PVT1: variants seen among roughly 807,000 people sequenced by gnomAD.
The protein encoded by PVT1 is Pvt1 oncogene.
At chr8:128,020,170 G>A (rs1048949449) in intron 4 of PVT1, among the ~76,000 whole-genome samples, 13 of 152,224 alleles carry the variant, frequency 8.5e-5, no homozygotes, top group Non-Finnish European at 1.8e-4. Context: ...TGGAGAAGCA[G>A]AGAAGCTCTG....
chr8:127,797,423 T>C (rs1814410432), intron 2 of PVT1, among the ~76,000 whole-genome samples: 1 of 152,184 alleles, frequency 6.6e-6, no homozygotes, highest in Non-Finnish European at 1.5e-5. Context: ...CCAGTGTCCA[T>C]GGTGGGACCC....
At chr8:127,967,132 G>T (rs1443207346) in intron 3 of PVT1, among the ~76,000 whole-genome samples, 2 of 152,192 alleles carry the variant, frequency 1.3e-5, no homozygotes, top group African/African-American at 4.8e-5. Context: ...ACCCACCCCA[G>T]GGCTGATTGC....
intron 2 of PVT1, among the ~76,000 whole-genome samples, chr8:127,887,962 A>T: frequency 2.2e-5 from 1 of 46,034 alleles, no homozygotes; most frequent in Non-Finnish European, 3.8e-5. Context: ...TTTTTTTGAG[A>T]CTGAATCTCA....
intron 2 of PVT1, among the ~76,000 whole-genome samples, chr8:127,858,821 T>C (rs1477289997): frequency 5.1e-5 from 7 of 136,564 alleles, no homozygotes; most frequent in Admixed American, 2.2e-4. Flanking sequence ...TTTTTTTTTT[T>C]TTTTTTTTTT....
chr8:127,846,779 C>T (rs991349139), intron 2 of PVT1, among the ~76,000 whole-genome samples: 3 of 151,614 alleles, frequency 2.0e-5, no homozygotes, highest in Non-Finnish European at 4.4e-5. Context: ...TCAAGCGATT[C>T]TCCTGCCTCA....
At chr8:128,054,060 A>G (rs960236687) in intron 4 of PVT1, among the ~76,000 whole-genome samples, 1 of 152,228 alleles carries the variant, frequency 6.6e-6, no homozygotes, top group Non-Finnish European at 1.5e-5. Context: ...TCTGGGTTGC[A>G]TATCTGCTGG....
intron 2 of PVT1, among the ~76,000 whole-genome samples, chr8:127,883,323 C>T (rs374244651): frequency 7.2e-5 from 11 of 152,234 alleles, no homozygotes; most frequent in African/African-American, 2.6e-4. Flanking sequence ...ATCTGCCCGT[C>T]CTATATTGAG....
intron 3 of PVT1, among the ~76,000 whole-genome samples, chr8:127,980,937 C>T (rs1213331649): frequency 6.6e-6 from 1 of 151,804 alleles, no homozygotes; most frequent in East Asian, 1.9e-4. Flanking sequence ...GGTGGGATTA[C>T]GGGCATCCAC....
intron 4 of PVT1, among the ~76,000 whole-genome samples, chr8:127,994,940 C>CA (rs1256127140): frequency 1.3e-5 from 2 of 152,338 alleles, no homozygotes; most frequent in East Asian, 3.9e-4. Flanking sequence ...CTGCTTTACT[C>CA]AGTCTCCTGG....
At chr8:127,879,991 A>G (rs1055981918) in intron 2 of PVT1, among the ~76,000 whole-genome samples, 2 of 152,192 alleles carry the variant, frequency 1.3e-5, no homozygotes, top group Non-Finnish European at 2.9e-5. Flanking sequence ...ATTGAACGAG[A>G]TTATTTCCAA....
At chr8:128,071,568 C>T (rs532134163) in intron 5 of PVT1, among the ~76,000 whole-genome samples, 13 of 151,690 alleles carry the variant, frequency 8.6e-5, no homozygotes, top group African/African-American at 3.1e-4. Context: ...GCCTGTGGTC[C>T]CAGCTAGTTA....
At chr8:127,864,816 G>A (rs570912656) in intron 2 of PVT1, among the ~76,000 whole-genome samples, 1 of 152,282 alleles carries the variant, frequency 6.6e-6, no homozygotes, top group East Asian at 1.9e-4. Flanking sequence ...CCAAAGTGCT[G>A]GGATTCCAGG....
chr8:127,854,028 C>T (rs923524459), intron 2 of PVT1, among the ~76,000 whole-genome samples: 1 of 152,200 alleles, frequency 6.6e-6, no homozygotes, highest in African/African-American at 2.4e-5. Flanking sequence ...TTGTTTCAGC[C>T]TGGCAAGGAG....
chr8:128,073,114 T>G (rs1372663961), intron 5 of PVT1, among the ~76,000 whole-genome samples: 1 of 152,082 alleles, frequency 6.6e-6, no homozygotes, highest in Non-Finnish European at 1.5e-5. Context: ...ATTACAGGCG[T>G]GAACCACCGC....
intron 2 of PVT1, among the ~76,000 whole-genome samples, chr8:127,871,319 G>A (rs1334746273): frequency 6.6e-6 from 1 of 152,230 alleles, no homozygotes; most frequent in Non-Finnish European, 1.5e-5. Flanking sequence ...TCAGGGGATG[G>A]CAAATCTCAG....
chr8:127,814,163 C>T (rs748714516), intron 2 of PVT1, among the ~76,000 whole-genome samples: 19 of 152,300 alleles, frequency 1.2e-4, no homozygotes, highest in Middle Eastern at 3.4e-3. Context: ...TGAAAGTGGA[C>T]GTGAGAATAG....
At chr8:127,835,704 G>T (rs1814902149) in intron 2 of PVT1, among the ~76,000 whole-genome samples, 1 of 152,148 alleles carries the variant, frequency 6.6e-6, no homozygotes, top group Non-Finnish European at 1.5e-5. Flanking sequence ...GCCTGTTCCT[G>T]TTGATCGAGT....
intron 2 of PVT1, among the ~76,000 whole-genome samples, chr8:127,809,052 A>AAG (rs1554588313): frequency 0.13 from 17,463 of 135,074 alleles, 1,573 homozygotes; most frequent in Non-Finnish European, 0.15. Context: ...AAAAAAAAAA[A>AAG]AAAGAAAGAA....
rs577452554 is a variant in PVT1 at position 127,841,736 on chromosome 8, T to A, written n.372+45665T>A. ...GGAGCTACACATCTGCTTTTTTTTT[T>A]CTTCTTTCTGAGACAGTCTCACTCT... On this transcript the variant is annotated intron_variant and non_coding_transcript_variant, in intron 2 of 10. Coordinates refer to ENST00000651587, the Ensembl canonical transcript of PVT1. 8.6e-5 allele frequency among the ~76,000 whole-genome samples: 13 copies of A among 151,872 alleles called. No homozygotes were observed. The South Asian group carries it at 2.7e-3, about 32-fold the overall frequency.
Sources: gnomAD v4.1 joint callset for allele counts (sites outside exome capture counted in the v4.1 genomes callset) on GRCh38, gnomAD v4.1.1 for gene constraint, MANE v1.5 for transcripts, NCBI Gene and HGNC (gene_info 2026-07-23, HGNC 2026-07-21) for gene names.